Variants in CCDC187 observed in about 807,000 individuals in gnomAD.
CCDC187 encodes the protein coiled-coil domain-containing protein 187.
A neutral mutation model predicts 38.0 loss-of-function variants in CCDC187; 32 were observed. The observed-to-expected ratio is 0.84, with a 90% CI of 0.64 to 1.13. CCDC187 has a LOEUF of 1.13. CCDC187 is among the 50% of genes most tolerant of loss of function. The pLI, the probability that CCDC187 is intolerant of heterozygous loss-of-function variation, is 0.00. For missense variants in CCDC187, 707 were observed against 786.8 expected (o/e 0.90, Z 1.21); for synonymous variants, 333 against 347.9 (o/e 0.96, Z 0.48).
chr9:136,251,091 C>A lies in CCDC187; in HGVS notation c.*2503G>T, dbSNP rs1274491449. 2.2e-6 allele frequency: 1 copy of A among 451,342 alleles called. No homozygotes were observed. Among genetic ancestry groups the A allele is most frequent in the Admixed American group, 2.4e-5 (1 of 42,480 alleles). 28.0% of individuals were successfully genotyped at this position (451,342 alleles called of 1,614,324 possible). A position where few individuals can be genotyped will look rare whatever the true frequency, so the allele number is the denominator to read the frequency against. ...TCTCTGAAGTGGAGGAGGCCTGAGG[C>A]CCTGGACAGGAGAAGCCACATCCTG... On this transcript the variant is annotated 3_prime_UTR_variant, in exon 26 of 26. Transcript: ENST00000638797.
rs1235021963 is a variant in CCDC187, at chr9:136,293,159, TCACACACTCACATGCTCA to T, written c.833-882_833-865del. ...TGCTCACACACTCACAAACACATGC[TCACACACTCACATGCTCA>T]CACACACTCACATGCTCACACACTC... On this transcript the variant is annotated intron_variant, in intron 4 of 25. Transcript: ENST00000638797. Among the ~76,000 whole-genome samples, 622 of 72,690 alleles carry T rather than the reference TCACACACTCACATGCTCA, an allele frequency of 8.6e-3. 12 individuals are homozygous for T. Among genetic ancestry groups the T allele is most frequent in the African/African-American group, 0.039 (574 of 14,896 alleles). 47.7% of individuals were successfully genotyped at this position (72,690 alleles called of 152,430 possible). A position where few individuals can be genotyped will look rare whatever the true frequency, so the allele number is the denominator to read the frequency against.
rs188745710 is a variant in CCDC187 at position 136,254,164 on chromosome 9, C to T, written c.5664G>A (p.Leu1888=). The T allele has an allele frequency of 1.2e-3, 1,169 of 985,508 alleles. 4 individuals carry two copies. In the East Asian group the frequency reaches 0.015, roughly 12 times the overall value. The allele number at this position is 985,508 out of a possible 1,614,324, so 61.0% of individuals were successfully genotyped here. The change falls in exon 26 of 26, where the codon CTG becomes CTA. Residue 1888 remains leucine, a synonymous_variant. Coordinates refer to ENST00000638797, the MANE Select transcript of CCDC187 (RefSeq NM_001378188.1). ...ISSAGDSDSL[L]VFPSWTSLSE... ...TCAAAGAGGTCCACGAAGGAAAGAC[C>T]AGCAGTGAGTCCGAGTCACCGGCAG...
intron 7 of CCDC187, among the ~76,000 whole-genome samples, chr9:136,287,317 C>G (rs1831205205): frequency 6.6e-6 from 1 of 152,142 alleles, no homozygotes; most frequent in African/African-American, 2.4e-5. Flanking sequence ...TAGAAATGAG[C>G]CTGGCCGGTC....
upstream of CCDC187, among the ~76,000 whole-genome samples, chr9:136,305,335 A>C (rs1831783610): frequency 6.6e-6 from 1 of 152,182 alleles, no homozygotes; most frequent in Non-Finnish European, 1.5e-5. Flanking sequence ...CGGTGTGACC[A>C]CAGGGTCCCC....
At chr9:136,283,446 C>A (rs1330941672) in intron 9 of CCDC187, among the ~76,000 whole-genome samples, 2 of 152,244 alleles carry the variant, frequency 1.3e-5, no homozygotes, top group Non-Finnish European at 2.9e-5. Flanking sequence ...TTCCTGGCTG[C>A]CCGAGCAGCG....
rs1327754082 is a variant in CCDC187, at chr9:136,293,298, A to C, written c.833-1003T>G. Among the ~76,000 whole-genome samples the C allele has an allele frequency of 2.1e-4, 27 of 126,576 alleles. 2 individuals are homozygous for C. The highest frequency in any genetic ancestry group is 9.1e-4 in the East Asian group (4 of 4,390). 83.0% of individuals were successfully genotyped at this position (126,576 alleles called of 152,430 possible). A position where few individuals can be genotyped will look rare whatever the true frequency, so the allele number is the denominator to read the frequency against. On this transcript the variant is annotated intron_variant, in intron 4 of 25. Transcript: ENST00000638797. The stretch of plus-strand genomic sequence containing the variant: ...ACACTAACATGCTCACACACTCACA[A>C]ACACATGTTCACACACTCACACTCA...
chr9:136,257,806 G>A lies in CCDC187; in HGVS notation c.4367-965C>T, dbSNP rs564345424. 5.3e-5 allele frequency among the ~76,000 whole-genome samples: 8 copies of A among 152,354 alleles called. No homozygotes were observed. The highest frequency in any genetic ancestry group is 1.9e-4 in the East Asian group (1 of 5,184). ...GTCCGTGGCTCCGGGTGACCCCAGC[G>A]ACCACAATGGGGCGTCACCCAGGGA... On this transcript the variant is annotated intron_variant, in intron 22 of 25. Coordinates refer to ENST00000638797, the MANE Select transcript of CCDC187 (RefSeq NM_001378188.1). This position sits in a 1 kb window ranked among gnomAD's most constrained non-coding sequence, Gnocchi z 4.5.
Position 136,251,370 on chromosome 9 carries a change from G to C in CCDC187, c.*2224C>G, listed in dbSNP as rs543017208. 3.7e-6 allele frequency: 1 copy of C among 269,638 alleles called. No individual in the cohort carries two copies. Among genetic ancestry groups the C allele is most frequent in the Non-Finnish European group, 7.4e-6 (1 of 135,162 alleles). The allele number at this position is 269,638 out of a possible 1,614,324, so 16.7% of individuals were successfully genotyped here. ...ATCCCCAGAGGAAAAGCCCCCGGCC[G>C]TGCGGGCTGCGCAGAAATGACCTTG... On this transcript the variant is annotated 3_prime_UTR_variant, in exon 26 of 26. Coordinates refer to ENST00000638797, the MANE Select transcript of CCDC187 (RefSeq NM_001378188.1).
At position 136,257,093 on chromosome 9, in the gene CCDC187, G is replaced by A. The variant is rs977871236; in HGVS notation, c.4367-252C>T. ...AAAATTCGTTTAGAATTCAGAGGCC[G>A]GCTGGGCGCAGTGGCTCACGCCTAT... On this transcript the variant is annotated intron_variant, in intron 22 of 25. Coordinates refer to ENST00000638797, the MANE Select transcript of CCDC187 (RefSeq NM_001378188.1). This position sits in a 1 kb window ranked among gnomAD's most constrained non-coding sequence, Gnocchi z 4.5. 4.6e-5 allele frequency among the ~76,000 whole-genome samples: 7 copies of A among 152,200 alleles called. No individual in the cohort carries two copies. Among genetic ancestry groups the A allele is most frequent in the African/African-American group, 9.6e-5 (4 of 41,452 alleles).
chr9:136,294,453 C>A (rs1317490117), intron 4 of CCDC187, among the ~76,000 whole-genome samples: 1 of 152,240 alleles, frequency 6.6e-6, no homozygotes, highest in Admixed American at 6.5e-5. Flanking sequence ...GCAGCTCCAC[C>A]CCGTGGCCTG....
chr9:136,283,814 CGCCTCT>C (rs1336607586), intron 9 of CCDC187, among the ~76,000 whole-genome samples: 1 of 152,212 alleles, frequency 6.6e-6, no homozygotes, highest in Non-Finnish European at 1.5e-5. Context: ...TCACTGCCTC[CGCCTCT>C]GCCTCCCACC....
chr9:136,298,026 C>T (rs1831578631), intron 3 of CCDC187, among the ~76,000 whole-genome samples: 1 of 152,226 alleles, frequency 6.6e-6, no homozygotes, highest in Non-Finnish European at 1.5e-5. Flanking sequence ...ACGTCCCCTG[C>T]AGTGCTCTGC....
chr9:136,269,048 T>A (rs1554762025), intron 14 of CCDC187, among the ~76,000 whole-genome samples: 1 of 152,156 alleles, frequency 6.6e-6, no homozygotes, highest in African/African-American at 2.4e-5. Context: ...GTATCAAGTG[T>A]CCCTCTGGAG....
At chr9:136,296,824 G>T in intron 4 of CCDC187, among the ~76,000 whole-genome samples, 1 of 152,240 alleles carries the variant, frequency 6.6e-6, no homozygotes, top group East Asian at 1.9e-4. Flanking sequence ...GTGACCACTG[G>T]GATCCACCCA....
At chr9:136,285,401 G>T in intron 9 of CCDC187, 112 bp downstream of exon 9, 2 of 326,768 alleles carry the variant, frequency 6.1e-6, no homozygotes, top group South Asian at 2.0e-4. Flanking sequence ...GGGGTGAAGT[G>T]AGAGGCAGCC....
At chr9:136,288,008 G>C (rs1166431394) in intron 7 of CCDC187, among the ~76,000 whole-genome samples, 1 of 152,068 alleles carries the variant, frequency 6.6e-6, no homozygotes, top group Non-Finnish European at 1.5e-5. Flanking sequence ...AATTTTTTAG[G>C]TGGGGAAAAA....
chr9:136,256,516 GTC>G, intron 23 of CCDC187, among the ~76,000 whole-genome samples, 187 bp downstream of exon 23: 1 of 151,430 alleles, frequency 6.6e-6, no homozygotes, highest in East Asian at 1.9e-4. Flanking sequence ...TGGAAAAAAA[GTC>G]TGTTTTTCTG....
chr9:136,268,178 G>T, intron 14 of CCDC187, 53 bp from the exon 15 acceptor site: 1 of 963,618 alleles, frequency 1.0e-6, no homozygotes, highest in Non-Finnish European at 1.2e-6. Flanking sequence ...AGTGCCCCGT[G>T]TCAGGGGCCA....
intron 14 of CCDC187, among the ~76,000 whole-genome samples, chr9:136,272,197 C>G (rs114331419): frequency 6.6e-6 from 1 of 152,030 alleles, no homozygotes; most frequent in Non-Finnish European, 1.5e-5. Flanking sequence ...GAAAAGGATG[C>G]GGGTTAGAAA....
Sources: gnomAD v4.1 joint callset for allele counts (sites outside exome capture counted in the v4.1 genomes callset) on GRCh38, gnomAD v4.1.1 for gene constraint, Gnocchi (gnomAD v3.1) non-coding constraint, MANE v1.5 for transcripts, NCBI Gene and HGNC (gene_info 2026-07-23, HGNC 2026-07-21) for gene names.